Variants in GPC6 observed in about 807,000 individuals in gnomAD.
The protein encoded by GPC6 is glypican 6, also known as glypican-6.
Under a neutral mutation model 55.2 loss-of-function variants are expected in GPC6, and 14 were observed. The observed-to-expected ratio is 0.25, with a 90% CI of 0.17 to 0.40. GPC6 has a LOEUF of 0.40. Ranked by LOEUF, GPC6 falls within the 10% of genes least tolerant of loss-of-function variation. The pLI is 1.00. For missense variants in GPC6, 641 were observed against 708.5 expected, an observed-to-expected ratio of 0.90 and a Z score of 1.08; for synonymous variants, 278 against 259.6, an observed-to-expected ratio of 1.07 and a Z score of -0.68.
intron 1 of GPC6, among the ~76,000 whole-genome samples, chr13:93,509,152 T>C (rs1425964118): frequency 6.6e-6 from 1 of 152,190 alleles, no homozygotes; most frequent in Non-Finnish European, 1.5e-5. Context: ...CTTAAAATCA[T>C]TTGAGTTATC....
At chr13:93,310,835 AC>A (rs1228325623) in intron 1 of GPC6, among the ~76,000 whole-genome samples, 1 of 152,202 alleles carries the variant, frequency 6.6e-6, no homozygotes, top group African/African-American at 2.4e-5. Context: ...CTGATATGAC[AC>A]ATTGCATCAT....
Position 94,340,898 on chromosome 13 carries a change from T to A in GPC6, c.1152+34775T>A, listed in dbSNP as rs185691847. On this transcript the variant is annotated intron_variant, in intron 6 of 8. Coordinates refer to ENST00000377047, the MANE Select transcript of GPC6 (RefSeq NM_005708.5). ...CCCTTGCTAACATTACCAAATCATA[T>A]TAAAAGTATTTAGTACTTCAAATAG... 7.9e-5 allele frequency among the ~76,000 whole-genome samples: 12 copies of A among 152,334 alleles called. No homozygotes were observed. In the East Asian group the frequency reaches 2.1e-3, roughly 27 times the overall value.
At chr13:93,560,869 T>A (rs1165473955) in intron 2 of GPC6, among the ~76,000 whole-genome samples, 1 of 152,174 alleles carries the variant, frequency 6.6e-6, no homozygotes, top group Non-Finnish European at 1.5e-5. Context: ...AAAAATCAGC[T>A]GTTTGTCTTC....
At chr13:94,142,416 C>T (rs975777398) in intron 4 of GPC6, among the ~76,000 whole-genome samples, 7 of 152,118 alleles carry the variant, frequency 4.6e-5, no homozygotes, top group African/African-American at 7.2e-5. Flanking sequence ...AAATAGTATA[C>T]GTTCTAGTAA....
At position 93,744,528 on chromosome 13, in the gene GPC6, CTTTTTTT is replaced by C. The variant is rs71736430; in HGVS notation, c.320-85606_320-85600del. On this transcript the variant is annotated intron_variant, in intron 2 of 8. Transcript: ENST00000377047. ...TTCCTCCAAACCTGCTTTCCCTAGT[CTTTTTTT>C]TTTTTTTTTTTTTTTTTTTACAGTT... Among the ~76,000 whole-genome samples the C allele has an allele frequency of 8.6e-4, 84 of 97,232 alleles. 1 individual carries two copies. Among genetic ancestry groups the C allele is most frequent in the African/African-American group, 3.3e-3 (73 of 22,410 alleles). 63.8% of individuals were successfully genotyped at this position (97,232 alleles called of 152,430 possible).
intron 1 of GPC6, among the ~76,000 whole-genome samples, chr13:93,451,080 A>C (rs1193612752): frequency 6.6e-6 from 1 of 152,192 alleles, no homozygotes; most frequent in Non-Finnish European, 1.5e-5. Flanking sequence ...GGATAAGTTT[A>C]AGAGAGAGAG....
intron 1 of GPC6, among the ~76,000 whole-genome samples, chr13:93,288,817 C>T (rs941539222): frequency 1.3e-5 from 2 of 152,200 alleles, no homozygotes; most frequent in Non-Finnish European, 2.9e-5. Context: ...GCAATAAATA[C>T]TTAGCCCACT....
chr13:94,078,510 C>G (rs953306947), intron 4 of GPC6, among the ~76,000 whole-genome samples: 1 of 151,354 alleles, frequency 6.6e-6, no homozygotes, highest in Admixed American at 6.6e-5. Context: ...AAAAGGCAGA[C>G]TAAGATAAAA....
chr13:93,692,880 C>G (rs1362677811), intron 2 of GPC6, among the ~76,000 whole-genome samples: 1 of 152,038 alleles, frequency 6.6e-6, no homozygotes, highest in African/African-American at 2.4e-5. Context: ...TAAAAGTACT[C>G]TATCATTTAC....
chr13:93,505,608 C>T (rs1880684079), intron 1 of GPC6, among the ~76,000 whole-genome samples: 2 of 152,150 alleles, frequency 1.3e-5, no homozygotes, highest in African/African-American at 2.4e-5. Flanking sequence ...CATTAGACAG[C>T]AGTTCAGCAC....
intron 1 of GPC6, among the ~76,000 whole-genome samples, chr13:93,526,350 A>G (rs1275385137): frequency 1.3e-5 from 2 of 152,038 alleles, no homozygotes; most frequent in Non-Finnish European, 2.9e-5. Context: ...AGGAGAAATT[A>G]TTTAAATTGG....
chr13:93,894,075 A>T (rs1222015872), intron 3 of GPC6, among the ~76,000 whole-genome samples: 2 of 152,172 alleles, frequency 1.3e-5, no homozygotes, highest in East Asian at 3.9e-4. Context: ...CACTATGATG[A>T]TACTACCTCT....
At chr13:93,773,595 G>A (rs1885370161) in intron 2 of GPC6, among the ~76,000 whole-genome samples, 1 of 152,044 alleles carries the variant, frequency 6.6e-6, no homozygotes, top group Non-Finnish European at 1.5e-5. Flanking sequence ...TTGCTTCTCT[G>A]CAAAATTCCT....
chr13:93,340,635 A>T (rs189688433), intron 1 of GPC6, among the ~76,000 whole-genome samples: 11 of 152,232 alleles, frequency 7.2e-5, no homozygotes, highest in Admixed American at 3.9e-4. Flanking sequence ...AGTGGGAGAG[A>T]GCTTGGTATG....
rs1444402970 is a variant in GPC6, at chr13:93,227,216, G to A, written c.-241G>A. On this transcript the variant is annotated 5_prime_UTR_variant, in exon 1 of 9. Coordinates refer to ENST00000377047, the MANE Select transcript of GPC6 (RefSeq NM_005708.5). The surrounding 1 kb of genome is among the most constrained non-coding windows in gnomAD (Gnocchi z 4.3). ...CACCGTTTCCATCTGGGGGCTAGAG[G>A]AGCAAGGCAGCAGCCTTCCCAGCCA... 1 of 460,468 alleles carries A rather than the reference G, an allele frequency of 2.2e-6. No individual in the cohort carries two copies. The highest frequency in any genetic ancestry group is 3.9e-6 in the Non-Finnish European group (1 of 257,836). The allele number at this position is 460,468 out of a possible 1,614,324, so 28.5% of individuals were successfully genotyped here.
chr13:93,376,351 C>T (rs1264135618), intron 1 of GPC6, among the ~76,000 whole-genome samples: 1 of 152,086 alleles, frequency 6.6e-6, no homozygotes, highest in Non-Finnish European at 1.5e-5. Flanking sequence ...TGAGTGAACA[C>T]AGTACTAGAT....
At chr13:93,311,892 A>C (rs1270430695) in intron 1 of GPC6, among the ~76,000 whole-genome samples, 1 of 152,164 alleles carries the variant, frequency 6.6e-6, no homozygotes, top group African/African-American at 2.4e-5. Context: ...GTACAAAGGC[A>C]AGATGGGTCT....
At chr13:93,944,072 A>G (rs1244847633) in intron 3 of GPC6, among the ~76,000 whole-genome samples, 2 of 152,222 alleles carry the variant, frequency 1.3e-5, no homozygotes, top group African/African-American at 4.8e-5. Flanking sequence ...CAGGCAGTAC[A>G]GTGGCAGTTT....
intron 4 of GPC6, among the ~76,000 whole-genome samples, chr13:94,281,083 G>T (rs1011461150): frequency 2.6e-5 from 4 of 151,998 alleles, no homozygotes; most frequent in Non-Finnish European, 5.9e-5. Flanking sequence ...GACCCTCTTT[G>T]GCACATAACA....
Sources: allele counts gnomAD v4.1 joint callset (sites outside exome capture counted in the v4.1 genomes callset), GRCh38; gene constraint gnomAD v4.1.1; non-coding constraint Gnocchi (gnomAD v3.1); transcripts MANE v1.5; gene names NCBI Gene and HGNC (gene_info 2026-07-23, HGNC 2026-07-21).